Variants in DNAH3 observed in about 807,000 individuals in gnomAD.
The protein encoded by DNAH3 is axonemal beta dynein heavy chain 3.
In DNAH3, 332 loss-of-function variants were observed where a neutral mutation model predicts 432.5. The observed-to-expected ratio is 0.77, with a 90% CI of 0.70 to 0.84. The LOEUF is 0.84. Among genes scored for constraint, DNAH3 ranks in the 40% least tolerant of loss-of-function variants. DNAH3 has a pLI of 0.00. For synonymous variants in DNAH3, 1,956 were observed against 1,900.2 expected (o/e 1.03, Z -0.76); for missense variants, 4,861 against 5,114.0 (o/e 0.95, Z 1.51).
intron 28 of DNAH3, among the ~76,000 whole-genome samples, chr16:21,052,570 A>G (rs2089996549): frequency 6.6e-6 from 1 of 152,254 alleles, no homozygotes. Flanking sequence ...TAGGGATAAC[A>G]TAGTACCTAC....
intron 53 of DNAH3, among the ~76,000 whole-genome samples, chr16:20,961,345 T>C (rs2084807754): frequency 6.6e-6 from 1 of 151,880 alleles, no homozygotes; most frequent in Non-Finnish European, 1.5e-5. Context: ...GGGCCTGTCG[T>C]GGGGTGCGGG....
chr16:21,020,056 T>C (rs1313974426), intron 40 of DNAH3, among the ~76,000 whole-genome samples, 187 bp from the exon 41 acceptor site: 1 of 150,610 alleles, frequency 6.6e-6, no homozygotes, highest in Non-Finnish European at 1.5e-5. Flanking sequence ...GGTCTCACTC[T>C]GTCTCCCAGG....
At chr16:21,106,214 G>C (rs2091942838) in intron 15 of DNAH3, among the ~76,000 whole-genome samples, 1 of 149,348 alleles carries the variant, frequency 6.7e-6, no homozygotes, top group African/African-American at 2.4e-5. Flanking sequence ...TGGAGGTCAA[G>C]TGTCTATCTA....
At chr16:21,121,915 T>G (rs202155756) in intron 10 of DNAH3, 30 bp downstream of exon 11, 1 of 1,556,954 alleles carries the variant, frequency 6.4e-7, no homozygotes, top group Non-Finnish European at 8.7e-7. Context: ...GAAAAAATCA[T>G]GCAAATGAAT....
intron 52 of DNAH3, among the ~76,000 whole-genome samples, chr16:20,969,270 CTG>C (rs71151607): frequency 9.3e-5 from 14 of 151,150 alleles, no homozygotes; most frequent in African/African-American, 2.4e-4. Flanking sequence ...GTGCATGTCT[CTG>C]TGTGCATGCA....
chr16:21,095,381 G>T (rs528176376), intron 18 of DNAH3, among the ~76,000 whole-genome samples: 1 of 152,324 alleles, frequency 6.6e-6, no homozygotes, highest in South Asian at 2.1e-4. Context: ...ATGACCTATT[G>T]CTACATCCAA....
At chr16:21,118,808 C>A (rs930578500) in intron 11 of DNAH3, among the ~76,000 whole-genome samples, 14 of 152,128 alleles carry the variant, frequency 9.2e-5, no homozygotes, top group African/African-American at 3.4e-4. Flanking sequence ...CCTCATGGCA[C>A]GTGTGTGTCT....
Position 21,105,004 on chromosome 16 carries a change from C to T in DNAH3, c.2285-452G>A, listed in dbSNP as rs1034094956. On this transcript the variant is annotated intron_variant, in intron 15 of 61. Transcript: ENST00000261383. Reference sequence around the variant, plus strand: ...AAACTATTTCACTTCATCTGCATGTCGGTTTCCCTTTAGGTTAAATGGCAG... The same window carrying T: ...AAACTATTTCACTTCATCTGCATGTTGGTTTCCCTTTAGGTTAAATGGCAG... 6.6e-5 allele frequency among the ~76,000 whole-genome samples: 10 copies of T among 152,200 alleles called. No individual in the cohort carries two copies. In the East Asian group the frequency reaches 1.2e-3, roughly 18 times the overall value.
intron 49 of DNAH3, among the ~76,000 whole-genome samples, chr16:20,981,455 T>C (rs934548599): frequency 3.3e-4 from 50 of 152,182 alleles, no homozygotes; most frequent in African/African-American, 1.2e-3. Context: ...TGATTGAGCC[T>C]GGGTGCGGTG....
intron 41 of DNAH3, among the ~76,000 whole-genome samples, chr16:21,004,348 C>A (rs1422859519): frequency 6.6e-6 from 1 of 151,868 alleles, no homozygotes; most frequent in Non-Finnish European, 1.5e-5. Context: ...TTCCTTTAGT[C>A]TCTCTTCCTT....
intron 41 of DNAH3, among the ~76,000 whole-genome samples, chr16:21,010,112 T>C (rs956420483): frequency 2.6e-5 from 4 of 152,124 alleles, no homozygotes; most frequent in African/African-American, 7.2e-5. Context: ...GTGAGTGAGA[T>C]ATATGTATCA....
At chr16:20,988,925 C>T (rs1234814747) in intron 44 of DNAH3, among the ~76,000 whole-genome samples, 2 of 152,102 alleles carry the variant, frequency 1.3e-5, no homozygotes, top group Non-Finnish European at 2.9e-5. Flanking sequence ...GGCGGCATGT[C>T]TGGAGTTATT....
intron 21 of DNAH3, among the ~76,000 whole-genome samples, chr16:21,074,813 C>T (rs1050755374): frequency 2.0e-5 from 3 of 152,192 alleles, no homozygotes; most frequent in Non-Finnish European, 4.4e-5. Flanking sequence ...ACCCTCATCC[C>T]TACCTCACAC....
At chr16:20,933,479 T>C in exon 62 of DNAH3, 1 of 1,607,300 alleles carries the variant, frequency 6.2e-7, no homozygotes, top group Non-Finnish European at 8.5e-7. Context: ...TTCGGGGTTA[T>C]TCTCCATCAC....
intron 58 of DNAH3, among the ~76,000 whole-genome samples, chr16:20,943,908 T>G (rs2083924516): frequency 1.3e-5 from 2 of 151,386 alleles, no homozygotes; most frequent in South Asian, 4.2e-4. Context: ...TGCTTGAGCC[T>G]GGGAGGCGGA....
rs560136484 is a variant in DNAH3, at chr16:21,040,849, G to A, written c.4639-906C>T. On this transcript the variant is annotated intron_variant, in intron 32 of 61. Transcript: ENST00000261383. ...CAAGAGTATGTGGCACATAGTAAGT[G>A]TTCAGTATGCACCAGCTATTGCATT... is the stretch of plus-strand genomic sequence containing the variant. 2.6e-5 allele frequency among the ~76,000 whole-genome samples: 4 copies of A among 152,304 alleles called. No homozygotes were observed. The East Asian group carries it at 7.7e-4, about 29-fold the overall frequency.
chr16:21,152,962 C>T (rs570796313), intron 1 of DNAH3, among the ~76,000 whole-genome samples: 21 of 152,220 alleles, frequency 1.4e-4, no homozygotes, highest in Non-Finnish European at 3.1e-4. Flanking sequence ...CCACCGACCA[C>T]CCAAGGGCTG....
intron 34 of DNAH3, among the ~76,000 whole-genome samples, chr16:21,037,427 T>TAGTA (rs1272423531): frequency 6.6e-6 from 1 of 152,184 alleles, no homozygotes; most frequent in African/African-American, 2.4e-5. Context: ...ATGAACAAGA[T>TAGTA]AGTAATGACT....
intron 44 of DNAH3, among the ~76,000 whole-genome samples, chr16:20,993,095 G>A (rs1197726876): frequency 6.6e-6 from 1 of 151,708 alleles, no homozygotes; most frequent in Non-Finnish European, 1.5e-5. Flanking sequence ...CAAACTCCTG[G>A]CCTCAAGCGA....
Sources: allele counts gnomAD v4.1 joint callset (sites outside exome capture counted in the v4.1 genomes callset), GRCh38; gene constraint gnomAD v4.1.1; transcripts MANE v1.5; gene names NCBI Gene and HGNC (gene_info 2026-07-23, HGNC 2026-07-21).